The following HMCN1 variants were observed in gnomAD, a reference collection of about 807,000 sequenced individuals.
The protein encoded by HMCN1 is hemicentin 1, also known as hemicentin-1.
Under a neutral mutation model 625.9 loss-of-function variants are expected in HMCN1, and 321 were observed. That is an observed-to-expected ratio of 0.51 (90% CI 0.47 to 0.56). HMCN1 has a LOEUF of 0.56. Ranked by LOEUF, HMCN1 falls within the 20% of genes least tolerant of loss-of-function variation. The probability of loss-of-function intolerance (pLI) is 0.00; values close to 1 mark genes in which losing one functional copy is unlikely to be tolerated. For missense variants in HMCN1, 6,588 were observed against 6,887.3 expected (o/e 0.96, Z 1.54); for synonymous variants, 2,425 against 2,417.6 (o/e 1.00, Z -0.09).
chr1:186,072,021 A>T (rs929788086), intron 52 of HMCN1, among the ~76,000 whole-genome samples: 1 of 152,196 alleles, frequency 6.6e-6, no homozygotes, highest in Admixed American at 6.5e-5. Context: ...AAATTTCATT[A>T]TAAGTTGTTA....
In HMCN1 at chr1:185,868,088, C is replaced by A. The variant is rs116589993; in HGVS notation, c.621+2225C>A. On this transcript the variant is annotated intron_variant, in intron 4 of 106. Transcript: ENST00000271588. ...CATCTAAAAAAAAAAAATTCCAAAA[C>A]AAATTGGGTTAAATTTAAGGAGAAC... Among the ~76,000 whole-genome samples the A allele has an allele frequency of 8.6e-3, 1,295 of 151,380 alleles. 16 individuals carry two copies. Among genetic ancestry groups the A allele is most frequent in the African/African-American group, 0.03 (1,236 of 41,226 alleles).
At chr1:186,109,982 G>T (rs1367514070) in intron 71 of HMCN1, among the ~76,000 whole-genome samples, 3 of 151,582 alleles carry the variant, frequency 2.0e-5, no homozygotes, top group Non-Finnish European at 4.4e-5. Context: ...GAGGAGTCTA[G>T]GTTGATCCCA....
intron 1 of HMCN1, among the ~76,000 whole-genome samples, chr1:185,787,476 G>T (rs1657700905): frequency 6.6e-6 from 1 of 152,178 alleles, no homozygotes; most frequent in South Asian, 2.1e-4. Context: ...CATGCTAAGA[G>T]TGCAAAATCC....
chr1:186,061,239 G>T (rs1657674260), intron 46 of HMCN1, among the ~76,000 whole-genome samples: 1 of 152,096 alleles, frequency 6.6e-6, no homozygotes, highest in Non-Finnish European at 1.5e-5. Context: ...CATGTCTGGG[G>T]AGGCCTCAGG....
intron 1 of HMCN1, among the ~76,000 whole-genome samples, chr1:185,825,820 A>G (rs963101767): frequency 7.2e-5 from 11 of 152,270 alleles, no homozygotes; most frequent in African/African-American, 2.4e-4. Flanking sequence ...GTTTAATAGC[A>G]TGCAACCATT....
At chr1:186,165,027 C>T (rs1651788676) in intron 97 of HMCN1, 84 bp from the exon 98 acceptor site, 8 of 1,184,920 alleles carry the variant, frequency 6.8e-6, no homozygotes, top group Admixed American at 1.7e-5. Context: ...TTTGGCATAT[C>T]TTCCCAGGGA....
intron 58 of HMCN1, among the ~76,000 whole-genome samples, chr1:186,086,983 T>G (rs1198309253): frequency 1.3e-5 from 2 of 152,106 alleles, no homozygotes; most frequent in Non-Finnish European, 2.9e-5. Flanking sequence ...TTACTGTCCA[T>G]GTTTTGATGC....
chr1:185,882,695 A>G (rs2102393981), intron 4 of HMCN1, among the ~76,000 whole-genome samples: 2 of 152,280 alleles, frequency 1.3e-5, no homozygotes, highest in Middle Eastern at 6.8e-3. Flanking sequence ...CAAGTGAAGT[A>G]TATTTTATGA....
intron 30 of HMCN1, among the ~76,000 whole-genome samples, chr1:186,009,292 C>T (rs545912359): frequency 7.9e-5 from 12 of 152,166 alleles, no homozygotes; most frequent in African/African-American, 1.2e-4. Context: ...ATGATGCCCC[C>T]AGGCACCCAG....
At chr1:186,065,199 T>G in intron 48 of HMCN1, 39 bp from the exon 49 acceptor site, 1 of 1,533,236 alleles carries the variant, frequency 6.5e-7, no homozygotes, top group South Asian at 1.1e-5. Context: ...ATTCTATACA[T>G]GTAATTATTA....
intron 1 of HMCN1, among the ~76,000 whole-genome samples, chr1:185,801,406 T>C (rs1416614257): frequency 6.6e-6 from 1 of 152,204 alleles, no homozygotes; most frequent in East Asian, 1.9e-4. Context: ...ACTCTAGGTT[T>C]GTAGTTTGGT....
chr1:185,832,235 G>A (rs1028517572), intron 1 of HMCN1, among the ~76,000 whole-genome samples: 42 of 152,026 alleles, frequency 2.8e-4, no homozygotes, highest in African/African-American at 9.9e-4. Context: ...GGCAGAGGCT[G>A]CAGTAAGCCG....
intron 78 of HMCN1, 36 bp from the exon 79 acceptor site, chr1:186,119,709 G>A (rs1661306569): frequency 6.2e-7 from 1 of 1,606,374 alleles, no homozygotes; most frequent in Non-Finnish European, 8.5e-7. Context: ...ATTAACTAGT[G>A]CTATTACTTC....
intron 11 of HMCN1, among the ~76,000 whole-genome samples, chr1:185,938,778 C>A (rs1282703897): frequency 6.6e-6 from 1 of 152,070 alleles, no homozygotes; most frequent in Non-Finnish European, 1.5e-5. Flanking sequence ...TACCTGATAT[C>A]CAGTTTCCTT....
chr1:185,797,688 C>T (rs187686938), intron 1 of HMCN1, among the ~76,000 whole-genome samples: 34 of 147,338 alleles, frequency 2.3e-4, no homozygotes, highest in Middle Eastern at 3.4e-3. Flanking sequence ...TTGTTTTGGC[C>T]GGGCGCGGTG....
At chr1:185,888,366 G>C (rs1298006995) in intron 4 of HMCN1, among the ~76,000 whole-genome samples, 1 of 144,108 alleles carries the variant, frequency 6.9e-6, no homozygotes, top group Non-Finnish European at 1.5e-5. Context: ...TGGTGTTTTA[G>C]ACATGAAGTC....
chr1:185,839,788 A>G (rs1189261239), intron 1 of HMCN1, among the ~76,000 whole-genome samples: 2 of 152,212 alleles, frequency 1.3e-5, no homozygotes, highest in African/African-American at 4.8e-5. Flanking sequence ...AAGTGAAATG[A>G]TCCATGCATT....
chr1:185,996,568 C>G (rs990135053), intron 24 of HMCN1, among the ~76,000 whole-genome samples: 1 of 152,082 alleles, frequency 6.6e-6, no homozygotes, highest in African/African-American at 2.4e-5. Context: ...TTTTAAAAGT[C>G]ACTCTTTTGG....
chr1:186,140,250 G>A (rs1324750995), intron 89 of HMCN1, among the ~76,000 whole-genome samples: 2 of 151,972 alleles, frequency 1.3e-5, no homozygotes, highest in South Asian at 2.1e-4. Flanking sequence ...TCCAAGATCC[G>A]ATCCACGATC....
Sources: gnomAD v4.1 joint callset for allele counts (sites outside exome capture counted in the v4.1 genomes callset) on GRCh38, gnomAD v4.1.1 for gene constraint, MANE v1.5 for transcripts, NCBI Gene and HGNC (gene_info 2026-07-23, HGNC 2026-07-21) for gene names.